KDM2B: variants seen among roughly 807,000 people sequenced by gnomAD.
KDM2B encodes lysine demethylase 2B.
Under a neutral mutation model 150.0 loss-of-function variants are expected in KDM2B, and 26 were observed. That is an observed-to-expected ratio of 0.17 (90% CI 0.13 to 0.24). KDM2B has a LOEUF of 0.24. Ranked by LOEUF, KDM2B falls within the 10% of genes least tolerant of loss-of-function variation. The pLI, the probability that KDM2B is intolerant of heterozygous loss-of-function variation, is 1.00. For synonymous variants in KDM2B, 734 were observed against 729.5 expected, an observed-to-expected ratio of 1.01 and a Z score of -0.10; for missense variants, 1,265 against 1,816.9, an observed-to-expected ratio of 0.70 and a Z score of 5.52.
chr12:121,489,036 G>A (rs1267795766), intron 12 of KDM2B, among the ~76,000 whole-genome samples: 2 of 151,898 alleles, frequency 1.3e-5, no homozygotes, highest in Non-Finnish European at 2.9e-5. Flanking sequence ...TTGAACTCCC[G>A]ACCTCAGGTG....
intron 6 of KDM2B, among the ~76,000 whole-genome samples, chr12:121,545,000 G>T (rs1888911728): frequency 6.6e-6 from 1 of 152,112 alleles, no homozygotes; most frequent in Non-Finnish European, 1.5e-5. Context: ...TCGTGTGTCT[G>T]TGTCACTTCT....
chr12:121,547,116 T>G (rs1889113278), intron 6 of KDM2B, among the ~76,000 whole-genome samples: 1 of 152,132 alleles, frequency 6.6e-6, no homozygotes, highest in African/African-American at 2.4e-5. Context: ...GAGCCACACC[T>G]CAGGCCCCTA....
intron 12 of KDM2B, among the ~76,000 whole-genome samples, chr12:121,466,164 C>T (rs1393024296): frequency 6.6e-6 from 1 of 152,070 alleles, no homozygotes; most frequent in Non-Finnish European, 1.5e-5. Flanking sequence ...CACATTTTGG[C>T]TGGGTCATTC....
rs782284029 is a variant in KDM2B, at chr12:121,444,141, G to A, written c.2322C>T (p.Pro774=). ...TCGAGTGCTCATCCGACCTGCGCCG[G>A]GGCGCCTCCTCACACTCACTCCTCC... ...AKRRSECEEA[P]RRRSDEHSKK... The change falls in exon 16 of 23, where the codon CCC becomes CCT. Residue 774 remains proline (P), a synonymous_variant. Coordinates refer to ENST00000377071, the MANE Select transcript of KDM2B (RefSeq NM_032590.5). 5.0e-6 allele frequency: 8 copies of A among 1,612,720 alleles called. No individual in the cohort carries two copies. In the South Asian group the frequency reaches 8.8e-5, roughly 18 times the overall value.
In KDM2B at chr12:121,513,518, G is replaced by A. The variant is rs1566360697; in HGVS notation, c.1048-116C>T. 1 of 1,159,172 alleles carries A rather than the reference G, an allele frequency of 8.6e-7. No homozygotes were observed. The highest frequency in any genetic ancestry group is 1.2e-6 in the Non-Finnish European group (1 of 802,436). The allele number at this position is 1,159,172 out of a possible 1,614,324, so 71.8% of individuals were successfully genotyped here. A position where few individuals can be genotyped will look rare whatever the true frequency, so the allele number is the denominator to read the frequency against. On this transcript the variant is annotated intron_variant, in intron 9 of 22. Transcript: ENST00000377071. This position sits in a 1 kb window ranked among gnomAD's most constrained non-coding sequence, Gnocchi z 5.0. ...TGAGGGTCACTGTCATCATCTTAGC[G>A]AGAGCATGGATGGTCGGGGGAGAAA... is the stretch of plus-strand genomic sequence containing the variant.
At chr12:121,422,882 G>A in the KDM2B span, among the ~76,000 whole-genome samples, 3 of 151,764 alleles carry the variant, frequency 2.0e-5, no homozygotes, top group African/African-American at 7.3e-5. Flanking sequence ...AGGCTAGGGA[G>A]GGAAGGATGC....
intron 4 of KDM2B, among the ~76,000 whole-genome samples, chr12:121,552,968 C>G (rs1278213255): frequency 6.6e-6 from 1 of 152,176 alleles, no homozygotes; most frequent in Non-Finnish European, 1.5e-5. Context: ...CACGGTGGCT[C>G]ACGCCTGTAA....
chr12:121,414,104 T>G, the KDM2B span, among the ~76,000 whole-genome samples: 1 of 152,250 alleles, frequency 6.6e-6, no homozygotes, highest in Non-Finnish European at 1.5e-5. Context: ...GGTTGAGGGC[T>G]TTTTATTTGC....
At chr12:121,567,301 C>T (rs1439569327) in intron 4 of KDM2B, among the ~76,000 whole-genome samples, 2 of 152,100 alleles carry the variant, frequency 1.3e-5, no homozygotes, top group Non-Finnish European at 2.9e-5. Flanking sequence ...AAGTCCTCAC[C>T]CCCAGCACCT....
Position 121,530,577 on chromosome 12 carries a change from C to A in KDM2B, c.931+2229G>T, listed in dbSNP as rs371919337. ...TCAGAGGGTGGCAAATTCCAACTGT[C>A]CCTTTTCTACTTCCCAAAACTCCAG... On this transcript the variant is annotated intron_variant, in intron 8 of 22. Transcript: ENST00000377071. Among the ~76,000 whole-genome samples the A allele has an allele frequency of 5.2e-4, 72 of 137,236 alleles. 1 individual carries two copies. The East Asian group carries it at 0.016, about 30-fold the overall frequency. The allele number at this position is 137,236 out of a possible 152,430, so 90.0% of individuals were successfully genotyped here.
At chr12:121,547,470 C>T (rs1889145048) in intron 6 of KDM2B, among the ~76,000 whole-genome samples, 1 of 152,204 alleles carries the variant, frequency 6.6e-6, no homozygotes, top group Non-Finnish European at 1.5e-5. Flanking sequence ...ACTCACTATG[C>T]ACTGAATTAA....
intron 22 of KDM2B, among the ~76,000 whole-genome samples, chr12:121,439,201 G>A (rs942234996): frequency 1.3e-5 from 2 of 152,022 alleles, no homozygotes; most frequent in Non-Finnish European, 2.9e-5. Context: ...GCCCACCAGG[G>A]CCCTTGCCTC....
At chr12:121,552,358 C>T (rs1221580743) in intron 4 of KDM2B, among the ~76,000 whole-genome samples, 2 of 152,054 alleles carry the variant, frequency 1.3e-5, no homozygotes, top group African/African-American at 2.4e-5. Context: ...GAATCTTGAT[C>T]GTATGCTAAG....
At chr12:121,446,726 G>A (rs1876351475) in intron 13 of KDM2B, among the ~76,000 whole-genome samples, 1 of 152,148 alleles carries the variant, frequency 6.6e-6, no homozygotes. Context: ...TGTTGCAAAT[G>A]ACAAAATTCA....
rs566038971 is a variant in KDM2B at position 121,549,398 on chromosome 12, G to T, written c.576+62C>A. ...TTGCAAGGCACAACCCAGGTGGCAGGGGGACAGGGAAGGAGATGAGGTGGA... is the reference window on the plus strand; with the variant it reads ...TTGCAAGGCACAACCCAGGTGGCAGTGGGACAGGGAAGGAGATGAGGTGGA... On this transcript the variant is annotated intron_variant, in intron 5 of 22. Transcript: ENST00000377071. This position sits in a 1 kb window ranked among gnomAD's most constrained non-coding sequence, Gnocchi z 4.4. The T allele has an allele frequency of 1.4e-6, 2 of 1,459,982 alleles. No individual in the cohort carries two copies. Among genetic ancestry groups the T allele is most frequent in the Non-Finnish European group, 1.9e-6 (2 of 1,076,732 alleles). The allele number at this position is 1,459,982 out of a possible 1,614,324, so 90.4% of individuals were successfully genotyped here. A position where few individuals can be genotyped will look rare whatever the true frequency, so the allele number is the denominator to read the frequency against.
chr12:121,426,981 T>G (rs1349311117), downstream of KDM2B, among the ~76,000 whole-genome samples: 1 of 152,142 alleles, frequency 6.6e-6, no homozygotes, highest in Non-Finnish European at 1.5e-5. Flanking sequence ...AAGTCTGCAG[T>G]GGAATACAGT....
chr12:121,557,510 G>A (rs1487637122), intron 4 of KDM2B, among the ~76,000 whole-genome samples: 1 of 152,112 alleles, frequency 6.6e-6, no homozygotes, highest in Non-Finnish European at 1.5e-5. Context: ...AAAGTGCTGG[G>A]ATTACAGGCG....
intron 12 of KDM2B, among the ~76,000 whole-genome samples, chr12:121,458,854 A>G (rs7302836): frequency 0.65 from 99,091 of 151,760 alleles, 34,266 homozygotes; most frequent in African/African-American, 0.89. Context: ...TTGGGAGGCC[A>G]AGGTGGGCAG....
In KDM2B at chr12:121,455,234, C is replaced by T. The variant is rs182957824; in HGVS notation, c.1735-1890G>A. Among the ~76,000 whole-genome samples the T allele has an allele frequency of 5.1e-4, 78 of 152,264 alleles. 1 individual carries two copies. The highest frequency in any genetic ancestry group is 4.9e-3 in the Admixed American group (75 of 15,290). ...CCAAAGAGGAAAGGGAGGTGCTCCC[C>T]GGCTCTACCACCCTCATCTCCCACT... On this transcript the variant is annotated intron_variant, in intron 12 of 22. Coordinates refer to ENST00000377071, the MANE Select transcript of KDM2B (RefSeq NM_032590.5).
Sources: allele counts gnomAD v4.1 joint callset (sites outside exome capture counted in the v4.1 genomes callset), GRCh38; gene constraint gnomAD v4.1.1; non-coding constraint Gnocchi (gnomAD v3.1); transcripts MANE v1.5; gene names NCBI Gene and HGNC (gene_info 2026-07-23, HGNC 2026-07-21).